TWSG1: variants seen among roughly 807,000 people sequenced by gnomAD.
TWSG1 encodes the protein twisted gastrulation protein homolog 1.
Under a neutral mutation model 23.0 loss-of-function variants are expected in TWSG1, and 15 were observed. The ratio of observed to expected loss-of-function variants is 0.65; its 90% CI spans 0.44 to 1.00. TWSG1 has a LOEUF of 1.00. Ranked by LOEUF, TWSG1 falls within the 50% of genes least tolerant of loss-of-function variation. The pLI, the probability that TWSG1 is intolerant of heterozygous loss-of-function variation, is 0.00. For missense variants in TWSG1, 242 were observed against 278.7 expected (o/e 0.87, Z 0.94); for synonymous variants, 86 against 92.8 (o/e 0.93, Z 0.42).
intron 3 of TWSG1, among the ~76,000 whole-genome samples, chr18:9,366,081 C>T (rs994525945): frequency 6.6e-6 from 1 of 152,178 alleles, no homozygotes; most frequent in Non-Finnish European, 1.5e-5. Flanking sequence ...TCATCTTGAG[C>T]CACCTGTTTA....
In TWSG1 at chr18:9,360,042, C is replaced by T; in HGVS notation, c.194C>T (p.Ala65Val). The T allele has an allele frequency of 6.2e-7, 1 of 1,613,410 alleles. No homozygotes were observed. Among genetic ancestry groups the T allele is most frequent in the Non-Finnish European group, 8.5e-7 (1 of 1,179,592 alleles). Residue 65 changes from alanine (A) to valine (V), a missense_variant, in exon 3 of 5, where the codon GCC (alanine) becomes GTC (valine). Physicochemically the swap from Ala to Val is moderately conservative, Grantham distance 64. Transcript: ENST00000262120. Reference sequence around the variant, plus strand: ...AAGGAGTGCATGCTGTGTCTTGGGGCCCTTTGGGACGAGTGCTGTGACTGT... The same window carrying T: ...AAGGAGTGCATGCTGTGTCTTGGGGTCCTTTGGGACGAGTGCTGTGACTGT... Reference protein sequence around the residue: ...CCKECMLCLGALWDECCDCVG... With the variant: ...CCKECMLCLGVLWDECCDCVG...
intron 3 of TWSG1, among the ~76,000 whole-genome samples, chr18:9,392,403 CT>C (rs1283813390): frequency 6.6e-6 from 1 of 152,230 alleles, no homozygotes; most frequent in Non-Finnish European, 1.5e-5. Flanking sequence ...CAGCTTCAGA[CT>C]TTTCTTCTGT....
intron 1 of TWSG1, 149 bp from the exon 2 acceptor site, chr18:9,337,044 A>C (rs2040426369): frequency 3.3e-6 from 2 of 612,074 alleles, no homozygotes; most frequent in Non-Finnish European, 5.3e-6. Flanking sequence ...ACTGTACTTC[A>C]GCCTGGGCAA....
chr18:9,350,460 A>G (rs1196765520), intron 2 of TWSG1, among the ~76,000 whole-genome samples: 1 of 152,152 alleles, frequency 6.6e-6, no homozygotes, highest in Non-Finnish European at 1.5e-5. Context: ...CCATTTACCC[A>G]TTACTCAGCC....
intron 3 of TWSG1, among the ~76,000 whole-genome samples, chr18:9,387,738 C>A (rs2040691891): frequency 6.8e-6 from 1 of 147,070 alleles, no homozygotes. Context: ...CCATTGTACT[C>A]TAGTCTGGGC....
At chr18:9,360,142 G>T in intron 3 of TWSG1, 71 bp downstream of exon 3, 2 of 1,222,796 alleles carry the variant, frequency 1.6e-6, no homozygotes, top group East Asian at 4.7e-5. Context: ...AGACTTTAAG[G>T]AATATAAATG....
At chr18:9,357,299 G>A (rs1265248213) in intron 2 of TWSG1, among the ~76,000 whole-genome samples, 1 of 152,108 alleles carries the variant, frequency 6.6e-6, no homozygotes, top group Non-Finnish European at 1.5e-5. Flanking sequence ...GCATATATTA[G>A]GTCACACATA....
At chr18:9,351,412 C>T (rs972543498) in intron 2 of TWSG1, among the ~76,000 whole-genome samples, 1 of 151,876 alleles carries the variant, frequency 6.6e-6, no homozygotes, top group African/African-American at 2.4e-5. Context: ...TTGTGTTTTA[C>T]ATTTTCACTA....
At position 9,389,029 on chromosome 18, in the gene TWSG1, T is replaced by C. The variant is rs1225966022; in HGVS notation, c.224-7251T>C. Reference sequence around the variant, plus strand: ...TTCGCTCTTGTTGCCCAGGCTGGAGTGCAGTGGTGCAATCTTGGCTCACCG... The same window carrying C: ...TTCGCTCTTGTTGCCCAGGCTGGAGCGCAGTGGTGCAATCTTGGCTCACCG... On this transcript the variant is annotated intron_variant, in intron 3 of 4. Coordinates refer to ENST00000262120, the MANE Select transcript of TWSG1 (RefSeq NM_020648.6). 2.0e-5 allele frequency among the ~76,000 whole-genome samples: 3 copies of C among 152,110 alleles called. No individual in the cohort carries two copies. The East Asian group carries it at 5.8e-4, about 29-fold the overall frequency.
intron 3 of TWSG1, among the ~76,000 whole-genome samples, chr18:9,372,919 A>G (rs1189991620): frequency 6.6e-6 from 1 of 152,242 alleles, no homozygotes; most frequent in Non-Finnish European, 1.5e-5. Flanking sequence ...ATTAGTAATC[A>G]TTTTGAACAT....
At chr18:9,378,321 A>G (rs1303425413) in intron 3 of TWSG1, among the ~76,000 whole-genome samples, 1 of 152,228 alleles carries the variant, frequency 6.6e-6, no homozygotes, top group Non-Finnish European at 1.5e-5. Context: ...GAGGAAGTCA[A>G]ACTATCCCTG....
At chr18:9,344,812 A>G (rs1212857571) in intron 2 of TWSG1, among the ~76,000 whole-genome samples, 1 of 151,982 alleles carries the variant, frequency 6.6e-6, no homozygotes, top group Non-Finnish European at 1.5e-5. Context: ...CAGTTGCTCT[A>G]TCATAGCTCA....
rs1318268854 is a variant in TWSG1 at position 9,400,676 on chromosome 18, G to A, written c.*1149G>A. 1.3e-5 allele frequency: 2 copies of A among 152,022 alleles called. No homozygotes were observed. Among genetic ancestry groups the A allele is most frequent in the Non-Finnish European group, 2.9e-5 (2 of 67,994 alleles). 9.4% of individuals were successfully genotyped at this position (152,022 alleles called of 1,614,324 possible). ...CTTTTTAAACAAGTATAATCATATCGTCGGAGGTTAAGATTATGAAATTTT... is the reference window on the plus strand; with the variant it reads ...CTTTTTAAACAAGTATAATCATATCATCGGAGGTTAAGATTATGAAATTTT... On this transcript the variant is annotated 3_prime_UTR_variant, in exon 5 of 5. Transcript: ENST00000262120.
intron 3 of TWSG1, among the ~76,000 whole-genome samples, chr18:9,365,496 G>A (rs1016537974): frequency 4.6e-5 from 7 of 151,782 alleles, no homozygotes; most frequent in African/African-American, 7.3e-5. Context: ...GCAAAACCCC[G>A]TCTCTACAAA....
chr18:9,386,286 C>T (rs955120423), intron 3 of TWSG1, among the ~76,000 whole-genome samples: 2 of 151,322 alleles, frequency 1.3e-5, no homozygotes, highest in Admixed American at 6.6e-5. Context: ...ATGGTGAAAC[C>T]GCGTCTGTAC....
intron 3 of TWSG1, among the ~76,000 whole-genome samples, chr18:9,389,784 G>A (rs1285731540): frequency 1.3e-5 from 2 of 152,068 alleles, no homozygotes; most frequent in South Asian, 2.1e-4. Flanking sequence ...TAATAGATGC[G>A]AAACAAAAAT....
At chr18:9,372,286 T>C (rs2040609459) in intron 3 of TWSG1, among the ~76,000 whole-genome samples, 1 of 151,336 alleles carries the variant, frequency 6.6e-6, no homozygotes, top group Non-Finnish European at 1.5e-5. Flanking sequence ...TATACATACA[T>C]TCCTATGATA....
At chr18:9,335,451 C>G (rs1198622370) in intron 1 of TWSG1, among the ~76,000 whole-genome samples, 1 of 152,220 alleles carries the variant, frequency 6.6e-6, no homozygotes, top group Non-Finnish European at 1.5e-5. Flanking sequence ...GTCGTAGTTA[C>G]TTGAATACTT....
At chr18:9,339,761 C>T (rs149934141) in intron 2 of TWSG1, among the ~76,000 whole-genome samples, 1,686 of 151,908 alleles carry the variant, frequency 0.011, 36 homozygotes, top group African/African-American at 0.039. Context: ...TGAGATCGTG[C>T]GACTGCACTC....
Sources: gnomAD v4.1 joint callset for allele counts (sites outside exome capture counted in the v4.1 genomes callset) on GRCh38, gnomAD v4.1.1 for gene constraint, MANE v1.5 for transcripts, NCBI Gene and HGNC (gene_info 2026-07-23, HGNC 2026-07-21) for gene names.